The following FOXP2 variants were observed in gnomAD, a reference collection of about 807,000 sequenced individuals.
FOXP2 encodes forkhead box protein P2.
FOXP2 carries 12 observed loss-of-function variants against 115.8 expected under a neutral mutation model. The observed-to-expected ratio is 0.10, with a 90% confidence interval of 0.07 to 0.17. The LOEUF is 0.17. Ranked by LOEUF, FOXP2 falls within the 10% of genes least tolerant of loss-of-function variation. The pLI, the probability that FOXP2 is intolerant of heterozygous loss-of-function variation, is 1.00. For missense variants in FOXP2, 629 were observed against 843.5 expected, an observed-to-expected ratio of 0.75 and a Z score of 3.15; for synonymous variants, 328 against 297.7, an observed-to-expected ratio of 1.10 and a Z score of -1.05.
chr7:114,267,951 T>C (rs1032252928), intron 1 of FOXP2, among the ~76,000 whole-genome samples: 1 of 151,950 alleles, frequency 6.6e-6, no homozygotes, highest in African/African-American at 2.4e-5. Context: ...AGCAATAATA[T>C]ACTTCTCATT....
At chr7:114,664,123 C>A in intron 15 of FOXP2, 150 bp from the exon 16 acceptor site, 1 of 839,384 alleles carries the variant, frequency 1.2e-6, no homozygotes, top group Non-Finnish European at 1.8e-6. Context: ...CCACAAGTAG[C>A]CAGTTAGGAA....
intron 2 of FOXP2, among the ~76,000 whole-genome samples, chr7:114,352,828 A>G (rs1174691716): frequency 6.6e-6 from 1 of 152,190 alleles, no homozygotes; most frequent in Non-Finnish European, 1.5e-5. Context: ...TTAGCATATA[A>G]TAATGGCTCT....
At chr7:114,612,464 A>G (rs1010762285) in intron 3 of FOXP2, among the ~76,000 whole-genome samples, 2 of 115,696 alleles carry the variant, frequency 1.7e-5, no homozygotes, top group Admixed American at 1.5e-4. Context: ...TCCCTAAGGG[A>G]ATGAATAAAT....
At chr7:114,267,728 AAAATAAATAAAT>A (rs200341220) in intron 1 of FOXP2, among the ~76,000 whole-genome samples, 2,713 of 131,804 alleles carry the variant, frequency 0.021, 40 homozygotes, top group African/African-American at 0.038. Context: ...CTCCATCTCA[AAAATAAATAAAT>A]AAATAAATAA....
chr7:114,479,333 G>A (rs372747525), intron 2 of FOXP2, among the ~76,000 whole-genome samples: 2 of 151,532 alleles, frequency 1.3e-5, no homozygotes, highest in African/African-American at 4.8e-5. Context: ...ATATAATAGA[G>A]GGAATCTAGT....
chr7:114,554,356 A>T (rs1468082821), intron 3 of FOXP2, among the ~76,000 whole-genome samples: 1 of 152,114 alleles, frequency 6.6e-6, no homozygotes, highest in African/African-American at 2.4e-5. Flanking sequence ...TGTGTTTACC[A>T]TTGTGCTTTT....
chr7:114,266,921 T>A (rs1470654161), intron 1 of FOXP2, among the ~76,000 whole-genome samples: 1 of 152,186 alleles, frequency 6.6e-6, no homozygotes, highest in Non-Finnish European at 1.5e-5. Context: ...TCGAGGAGCT[T>A]AATGTCTTAT....
intron 3 of FOXP2, chr7:114,560,968 G>A (rs1185619704): frequency 6.6e-6 from 1 of 152,164 alleles, no homozygotes; most frequent in African/African-American, 2.4e-5. Context: ...GGTCTCAGAA[G>A]GAGCAAAAAG....
At position 114,658,255 on chromosome 7, in the gene FOXP2, C is replaced by T. The variant is rs753658194; in HGVS notation, c.1456C>T (p.Pro486Ser). The T allele has an allele frequency of 6.2e-7, 1 of 1,613,712 alleles. No homozygotes were observed. The highest frequency in any genetic ancestry group is 8.5e-7 in the Non-Finnish European group (1 of 1,179,794). The part of the protein sequence containing the change: ...RRRHSDKYNI[P>S]MSSEIAPNYE... ...GCGACATTCAGACAAATACAACATT[C>T]CCATGTCATCAGGTAGGATATGAAT... Residue 486 changes from proline to serine, a missense_variant, in exon 11 of 17, where the codon CCC becomes TCC. Physicochemically the swap from Pro to Ser is moderately conservative, Grantham distance 74. This residue lies in a region of FOXP2 where 101 missense variants were observed against 116.0 expected (regional missense o/e 0.87). Coordinates refer to ENST00000350908, the MANE Select transcript of FOXP2 (RefSeq NM_014491.4).
intron 2 of FOXP2, among the ~76,000 whole-genome samples, chr7:114,330,517 C>T (rs1246131263): frequency 6.8e-6 from 1 of 147,526 alleles, no homozygotes; most frequent in Non-Finnish European, 1.5e-5. Context: ...TATATATGTA[C>T]ACACACACAA....
chr7:114,282,534 A>C (rs2129175075), intron 1 of FOXP2, among the ~76,000 whole-genome samples: 1 of 152,206 alleles, frequency 6.6e-6, no homozygotes, highest in African/African-American at 2.4e-5. Context: ...TTCTACCTAA[A>C]ATTTCATTTT....
chr7:114,220,431 T>C (rs940425302), intron 1 of FOXP2, among the ~76,000 whole-genome samples: 11 of 152,188 alleles, frequency 7.2e-5, no homozygotes, highest in Admixed American at 2.0e-4. Context: ...ATTTTTTCTC[T>C]TTACATTAGA....
At chr7:114,659,013 T>A (rs1806734267) in intron 11 of FOXP2, among the ~76,000 whole-genome samples, 1 of 152,048 alleles carries the variant, frequency 6.6e-6, no homozygotes, top group Non-Finnish European at 1.5e-5. Flanking sequence ...TTAAGACGTA[T>A]TAGATGAGAG....
At chr7:114,140,541 A>G (rs1792177282) in intron 1 of FOXP2, among the ~76,000 whole-genome samples, 1 of 152,184 alleles carries the variant, frequency 6.6e-6, no homozygotes, top group African/African-American at 2.4e-5. Context: ...AAATTCTGTA[A>G]TTTAATCCAC....
At chr7:114,248,538 T>C (rs996265172) in intron 1 of FOXP2, among the ~76,000 whole-genome samples, 4 of 152,208 alleles carry the variant, frequency 2.6e-5, no homozygotes, top group African/African-American at 9.7e-5. Context: ...CTTGTGCCAT[T>C]TAGTTTAGAA....
intron 2 of FOXP2, among the ~76,000 whole-genome samples, chr7:114,531,891 G>A (rs2129275867): frequency 6.6e-6 from 1 of 151,964 alleles, no homozygotes; most frequent in East Asian, 1.9e-4. Context: ...TCTAGTGTTT[G>A]TCTACAGACA....
intron 9 of FOXP2, 68 bp from the exon 10 acceptor site, chr7:114,653,858 T>G: frequency 7.0e-7 from 1 of 1,435,452 alleles, no homozygotes; most frequent in Non-Finnish European, 9.8e-7. Context: ...TGATAAGATG[T>G]ATCACTGCAA....
At chr7:114,535,490 G>A (rs1167053122) in intron 3 of FOXP2, among the ~76,000 whole-genome samples, 3 of 150,946 alleles carry the variant, frequency 2.0e-5, no homozygotes, top group Non-Finnish European at 4.4e-5. Flanking sequence ...TGTCTAATAA[G>A]GCAAATTTAG....
At chr7:114,582,750 C>A (rs1314895884) in intron 3 of FOXP2, among the ~76,000 whole-genome samples, 1 of 152,082 alleles carries the variant, frequency 6.6e-6, no homozygotes, top group African/African-American at 2.4e-5. Flanking sequence ...TTAGAAAAAC[C>A]TTTTAGTGAA....
Sources: gnomAD v4.1 joint callset for allele counts (sites outside exome capture counted in the v4.1 genomes callset) on GRCh38, gnomAD v4.1.1 for gene constraint, gnomAD v4.1.1 regional missense constraint, MANE v1.5 for transcripts, NCBI Gene and HGNC (gene_info 2026-07-23, HGNC 2026-07-21) for gene names.